Variants in HHAT observed in about 807,000 individuals in gnomAD.
HHAT encodes the protein protein-cysteine N-palmitoyltransferase HHAT.
A neutral mutation model predicts 70.8 loss-of-function variants in HHAT; 47 were observed. The ratio of observed to expected loss-of-function variants is 0.66; its 90% confidence interval spans 0.53 to 0.85. The LOEUF is 0.85. HHAT is among the 40% of genes least tolerant of loss of function. The pLI, the probability that HHAT is intolerant of heterozygous loss-of-function variation, is 0.00. For missense variants in HHAT, 609 were observed against 604.8 expected (o/e 1.01, Z -0.07); for synonymous variants, 228 against 247.6 (o/e 0.92, Z 0.74).
chr1:210,604,373 A>G (rs1000566589), intron 10 of HHAT, among the ~76,000 whole-genome samples: 8 of 152,026 alleles, frequency 5.3e-5, no homozygotes, highest in Non-Finnish European at 8.8e-5. Context: ...GGCCTGAGTC[A>G]CTGCGCCCAG....
intron 2 of HHAT, 48 bp downstream of exon 2, chr1:210,349,114 G>C: frequency 6.3e-7 from 1 of 1,581,924 alleles, no homozygotes; most frequent in Non-Finnish European, 8.6e-7. Flanking sequence ...GGAAACTCCT[G>C]TCAAAAAAAG....
At chr1:210,430,185 G>A (rs565293898) in intron 7 of HHAT, among the ~76,000 whole-genome samples, 64 of 151,796 alleles carry the variant, frequency 4.2e-4, no homozygotes, top group Non-Finnish European at 6.9e-4. Context: ...TAGCTTCTGT[G>A]TTCTCTTGAT....
At chr1:210,511,226 T>G (rs1335539804) in intron 8 of HHAT, among the ~76,000 whole-genome samples, 1 of 152,180 alleles carries the variant, frequency 6.6e-6, no homozygotes, top group Non-Finnish European at 1.5e-5. Context: ...TACAGGTAGA[T>G]CTCTCCTTAG....
intron 9 of HHAT, among the ~76,000 whole-genome samples, chr1:210,570,416 G>A (rs1179167411): frequency 6.6e-6 from 1 of 152,186 alleles, no homozygotes; most frequent in Non-Finnish European, 1.5e-5. Context: ...CTTTAAGAGT[G>A]GTGTTGGGCA....
chr1:210,516,080 G>GAAAAAGA (rs1553253785), intron 9 of HHAT, among the ~76,000 whole-genome samples: 1 of 143,444 alleles, frequency 7.0e-6, no homozygotes, highest in Non-Finnish European at 1.6e-5. Context: ...AAAAGAAAAA[G>GAAAAAGA]AAAAAAAAAG....
intron 4 of HHAT, among the ~76,000 whole-genome samples, chr1:210,390,071 A>C (rs1323752154): frequency 1.3e-5 from 2 of 152,238 alleles, no homozygotes; most frequent in Non-Finnish European, 2.9e-5. Flanking sequence ...AAGAGAAAGC[A>C]TAAAAGAAAT....
At chr1:210,540,883 C>A (rs2095423863) in intron 9 of HHAT, among the ~76,000 whole-genome samples, 2 of 152,010 alleles carry the variant, frequency 1.3e-5, no homozygotes, top group South Asian at 2.1e-4. Context: ...CTCTGTTGCC[C>A]AGGCTGGAGT....
intron 7 of HHAT, among the ~76,000 whole-genome samples, chr1:210,448,242 T>C (rs2003697): frequency 0.58 from 87,906 of 151,692 alleles, 25,736 homozygotes; most frequent in South Asian, 0.68. Context: ...CCACCATGCC[T>C]GGCTAATTTT....
intron 11 of HHAT, among the ~76,000 whole-genome samples, chr1:210,632,093 A>G (rs1007164644): frequency 6.6e-6 from 1 of 152,198 alleles, no homozygotes; most frequent in Non-Finnish European, 1.5e-5. Context: ...TGATCACATT[A>G]GCTGCTGCTG....
At chr1:210,575,129 T>C (rs1657347555) in intron 9 of HHAT, among the ~76,000 whole-genome samples, 1 of 152,148 alleles carries the variant, frequency 6.6e-6, no homozygotes, top group African/African-American at 2.4e-5. Context: ...GAGGGTGGGC[T>C]CTTTCCCCTA....
At chr1:210,434,317 C>T (rs1050893031) in intron 7 of HHAT, among the ~76,000 whole-genome samples, 6 of 151,770 alleles carry the variant, frequency 4.0e-5, no homozygotes, top group African/African-American at 1.5e-4. Context: ...TTTCTGCTTT[C>T]AGTAACTAAA....
chr1:210,448,795 A>G (rs1346004250), intron 7 of HHAT, among the ~76,000 whole-genome samples: 1 of 132,490 alleles, frequency 7.5e-6, no homozygotes, highest in African/African-American at 2.6e-5. Flanking sequence ...TTGGATTGTC[A>G]GTGGATTTCA....
intron 8 of HHAT, among the ~76,000 whole-genome samples, chr1:210,492,503 G>C (rs986886082): frequency 6.6e-6 from 1 of 152,206 alleles, no homozygotes; most frequent in Non-Finnish European, 1.5e-5. Flanking sequence ...TACCAAAGTA[G>C]AATGTGTCTA....
intron 8 of HHAT, among the ~76,000 whole-genome samples, chr1:210,504,553 C>G (rs2094817309): frequency 6.6e-6 from 1 of 152,182 alleles, no homozygotes; most frequent in Admixed American, 6.5e-5. Flanking sequence ...GAGATGTCTT[C>G]ACTCCTGAGC....
intron 11 of HHAT, among the ~76,000 whole-genome samples, chr1:210,639,612 A>G (rs1299054308): frequency 6.6e-6 from 1 of 152,188 alleles, no homozygotes; most frequent in Non-Finnish European, 1.5e-5. Context: ...ATGACATCTC[A>G]GTGTTAAATG....
At chr1:210,388,524 T>C (rs2091241965) in intron 4 of HHAT, among the ~76,000 whole-genome samples, 1 of 152,140 alleles carries the variant, frequency 6.6e-6, no homozygotes. Flanking sequence ...CCCGACAGCA[T>C]ATTAACTTCT....
rs533311694 is a variant in HHAT, at chr1:210,488,683, G to A, written c.1007+24028G>A. Reference sequence around the variant, plus strand: ...TGAGGTGGGAGGATCGCTTGAGCCCGGAAGTTTGAGACCAGCCTGGGCAAT... The same window carrying A: ...TGAGGTGGGAGGATCGCTTGAGCCCAGAAGTTTGAGACCAGCCTGGGCAAT... On this transcript the variant is annotated intron_variant, in intron 8 of 11. Coordinates refer to ENST00000261458, the MANE Select transcript of HHAT (RefSeq NM_018194.6). Among the ~76,000 whole-genome samples the A allele has an allele frequency of 4.0e-5, 6 of 151,826 alleles. No homozygotes were observed. The East Asian group carries it at 5.8e-4, about 15-fold the overall frequency.
At chr1:210,403,201 G>T (rs7528344) in intron 5 of HHAT, among the ~76,000 whole-genome samples, 8,415 of 152,206 alleles carry the variant, frequency 0.055, 275 homozygotes, top group South Asian at 0.084. Flanking sequence ...GGACTTATGA[G>T]AGTATATCAG....
chr1:210,500,611 A>G (rs751657770), intron 8 of HHAT, among the ~76,000 whole-genome samples: 11 of 152,136 alleles, frequency 7.2e-5, no homozygotes, highest in Non-Finnish European at 1.6e-4. Context: ...CTGTTTGGAG[A>G]TACTCAGTAG....
Sources: gnomAD v4.1 joint callset for allele counts (sites outside exome capture counted in the v4.1 genomes callset) on GRCh38, gnomAD v4.1.1 for gene constraint, MANE v1.5 for transcripts, NCBI Gene and HGNC (gene_info 2026-07-23, HGNC 2026-07-21) for gene names.